DNM3: variants seen among roughly 807,000 people sequenced by gnomAD.
DNM3 encodes dynamin 3.
DNM3 carries 47 observed loss-of-function variants against 101.6 expected under a neutral mutation model. The observed-to-expected ratio is 0.46, with a 90% CI of 0.37 to 0.59. The LOEUF is 0.59. Ranked by LOEUF, DNM3 falls within the 20% of genes least tolerant of loss-of-function variation. The pLI, the probability that DNM3 is intolerant of heterozygous loss-of-function variation, is 0.00. For missense variants in DNM3, 849 were observed against 1,085.7 expected (o/e 0.78, Z 3.06); for synonymous variants, 385 against 387.9 (o/e 0.99, Z 0.09).
At chr1:171,855,476 C>A (rs1280687162) in intron 1 of DNM3, among the ~76,000 whole-genome samples, 1 of 152,208 alleles carries the variant, frequency 6.6e-6, no homozygotes, top group Non-Finnish European at 1.5e-5. Context: ...AATGGTTGAA[C>A]TAATTTACAC....
chr1:171,949,894 A>G (rs1042215726), intron 2 of DNM3, among the ~76,000 whole-genome samples: 10 of 152,180 alleles, frequency 6.6e-5, no homozygotes, highest in Non-Finnish European at 1.5e-4. Context: ...TTACACATGT[A>G]CCATATGACC....
At chr1:172,283,134 C>T (rs888847691) in intron 15 of DNM3, among the ~76,000 whole-genome samples, 1 of 152,190 alleles carries the variant, frequency 6.6e-6, no homozygotes, top group African/African-American at 2.4e-5. Context: ...AGTTTCTTCT[C>T]ATTTTTTTCC....
chr1:171,972,408 T>C (rs1327739836), intron 2 of DNM3, among the ~76,000 whole-genome samples: 3 of 152,200 alleles, frequency 2.0e-5, no homozygotes, highest in African/African-American at 4.8e-5. Context: ...ACATTCCTTA[T>C]AGTGGAGAGA....
chr1:172,308,135 G>T (rs1014694448), intron 15 of DNM3, among the ~76,000 whole-genome samples: 5 of 152,076 alleles, frequency 3.3e-5, no homozygotes, highest in African/African-American at 1.2e-4. Context: ...TTAAAAATGG[G>T]CATGTATTGC....
At chr1:171,915,661 G>A (rs547593989) in intron 1 of DNM3, among the ~76,000 whole-genome samples, 3 of 152,294 alleles carry the variant, frequency 2.0e-5, no homozygotes, top group South Asian at 2.1e-4. Flanking sequence ...ACACCTAGTG[G>A]AGATGTTTAA....
chr1:172,122,364 C>T (rs1021056188), intron 13 of DNM3, among the ~76,000 whole-genome samples: 1 of 152,042 alleles, frequency 6.6e-6, no homozygotes, highest in African/African-American at 2.4e-5. Flanking sequence ...CTCATAACAA[C>T]TCTACATTAT....
At chr1:172,251,580 T>C (rs567304833) in intron 14 of DNM3, among the ~76,000 whole-genome samples, 3 of 152,246 alleles carry the variant, frequency 2.0e-5, no homozygotes, top group East Asian at 3.9e-4. Context: ...AGGCTGCATA[T>C]GTGTGTGTAT....
chr1:171,928,878 C>A (rs1041862756), intron 2 of DNM3, among the ~76,000 whole-genome samples: 5 of 152,130 alleles, frequency 3.3e-5, no homozygotes, highest in Non-Finnish European at 7.4e-5. Flanking sequence ...TGCTCTGGTC[C>A]CTAGTCACTT....
chr1:172,130,850 G>A (rs1267289820), intron 13 of DNM3, among the ~76,000 whole-genome samples: 2 of 152,108 alleles, frequency 1.3e-5, no homozygotes, highest in Non-Finnish European at 1.5e-5. Flanking sequence ...AACTAAATAT[G>A]TTTTAATTGT....
At chr1:172,355,083 C>T (rs576995987) in intron 17 of DNM3, among the ~76,000 whole-genome samples, 14 of 152,104 alleles carry the variant, frequency 9.2e-5, no homozygotes, top group African/African-American at 1.7e-4. Flanking sequence ...CACTTACATG[C>T]GCAAGCAGAA....
At chr1:171,879,535 GA>G (rs2036079259) in intron 1 of DNM3, among the ~76,000 whole-genome samples, 2 of 151,972 alleles carry the variant, frequency 1.3e-5, no homozygotes, top group African/African-American at 2.4e-5. Flanking sequence ...AACTATTTAA[GA>G]AAAAAATAGA....
rs967782836 is a variant in DNM3, at chr1:171,870,493, CA to C, written c.161+28685del. ...AACAAAACAAAAACAAACAAACAAA[CA>C]AAAAAAAACCCTCTGAAGTCTCTCA... On this transcript the variant is annotated intron_variant, in intron 1 of 20. Transcript: ENST00000627582. Among the ~76,000 whole-genome samples the C allele has an allele frequency of 1.3e-4, 20 of 150,604 alleles. No homozygotes were observed. The South Asian group carries it at 2.3e-3, about 18-fold the overall frequency.
intron 20 of DNM3, chr1:172,399,673 G>C (rs1419408602): frequency 6.6e-6 from 1 of 151,992 alleles, no homozygotes; most frequent in African/African-American, 2.4e-5. Flanking sequence ...TAAAATTTGA[G>C]CTCTAAAGCA....
chr1:172,288,453 G>A (rs1212440217), intron 15 of DNM3, among the ~76,000 whole-genome samples: 1 of 152,192 alleles, frequency 6.6e-6, no homozygotes, highest in Non-Finnish European at 1.5e-5. Flanking sequence ...CCATGTTAGG[G>A]TTGCTTTGTT....
chr1:172,351,224 A>G (rs1158075279), intron 17 of DNM3, among the ~76,000 whole-genome samples: 1 of 152,208 alleles, frequency 6.6e-6, no homozygotes, highest in African/African-American at 2.4e-5. Flanking sequence ...TTCAAAGGTC[A>G]TAATTCCAGA....
rs747630124 is a variant in DNM3 at position 172,048,760 on chromosome 1, A to T, written c.1335+10A>T. 5 of 1,610,134 alleles carry T rather than the reference A, an allele frequency of 3.1e-6. No homozygotes were observed. In the South Asian group the frequency reaches 5.5e-5, roughly 18 times the overall value. ...GAAGTGTACCAAAAAAGTAAGTTCG[A>T]ATTATTTAACTTTCCAGTACGTGGC... On this transcript the variant is annotated intron_variant, in intron 10 of 20. Transcript: ENST00000627582.
chr1:172,098,537 A>G (rs982915038), intron 13 of DNM3, among the ~76,000 whole-genome samples: 1 of 152,194 alleles, frequency 6.6e-6, no homozygotes, highest in African/African-American at 2.4e-5. Flanking sequence ...CTGAGGTGAC[A>G]TACATCCTCC....
At chr1:172,239,598 T>A (rs937241663) in intron 14 of DNM3, among the ~76,000 whole-genome samples, 4 of 152,068 alleles carry the variant, frequency 2.6e-5, no homozygotes, top group African/African-American at 9.7e-5. Context: ...CTACCCCTCA[T>A]GGGATTCCTC....
intron 17 of DNM3, among the ~76,000 whole-genome samples, chr1:172,343,983 C>T (rs1558021909): frequency 6.6e-6 from 1 of 152,160 alleles, no homozygotes; most frequent in East Asian, 1.9e-4. Context: ...AACTTTCCTT[C>T]AGCTGGTCAA....
Sources: allele counts gnomAD v4.1 joint callset (sites outside exome capture counted in the v4.1 genomes callset), GRCh38; gene constraint gnomAD v4.1.1; transcripts MANE v1.5; gene names NCBI Gene and HGNC (gene_info 2026-07-23, HGNC 2026-07-21).